ADCY6: variants seen among roughly 807,000 people sequenced by gnomAD.
ADCY6 encodes the protein adenylate cyclase type 6.
In ADCY6, 59 loss-of-function variants were observed where a neutral mutation model predicts 111.6. That is an observed-to-expected ratio of 0.53 (90% CI 0.43 to 0.66). The LOEUF is 0.66. ADCY6 is among the 30% of genes least tolerant of loss of function. The pLI is 0.00. For synonymous variants in ADCY6, 576 were observed against 642.9 expected, an observed-to-expected ratio of 0.90 and a Z score of 1.57; for missense variants, 1,242 against 1,595.6, an observed-to-expected ratio of 0.78 and a Z score of 3.78.
rs746976044 is a variant in ADCY6, at chr12:48,774,458, T to A, written c.2227A>T (p.Thr743Ser). The A allele has an allele frequency of 1.2e-6, 2 of 1,613,930 alleles. No homozygotes were observed. The highest frequency in any genetic ancestry group is 1.1e-5 in the South Asian group (1 of 91,072). The change falls in exon 14 of 22, where the codon ACC becomes TCC. Residue 743 changes from threonine to serine, a missense_variant. Physicochemically the swap from Thr to Ser is moderately conservative, Grantham distance 58. Transcript: ENST00000357869. Reference sequence around the variant, plus strand: ...AGGACGGAAAAGATGCCAACTGCGGTGCTATGTGCCCGTGAGCGGACAATG... The same window carrying A: ...AGGACGGAAAAGATGCCAACTGCGGAGCTATGTGCCCGTGAGCGGACAATG... ...RSIVRSRAHSTAVGIFSVLLV... is the reference protein window; with the variant it reads ...RSIVRSRAHSSAVGIFSVLLV...
intron 13 of ADCY6, 57 bp downstream of exon 13, chr12:48,774,634 T>G (rs1667652059): frequency 6.3e-7 from 1 of 1,591,436 alleles, no homozygotes; most frequent in Non-Finnish European, 8.6e-7. Flanking sequence ...TGTGACCTCC[T>G]CCCTGTCTGG....
Position 48,783,221 on chromosome 12 carries a change from G to A in ADCY6, c.214C>T (p.Arg72Trp), listed in dbSNP as rs748732321. The change falls in exon 2 of 22, where the codon CGG becomes TGG. Residue 72 changes from arginine to tryptophan, a missense_variant. Arg to Trp is a moderately radical substitution (Grantham distance 101). Coordinates refer to ENST00000357869, the MANE Select transcript of ADCY6 (RefSeq NM_015270.5). ...TTGCCCTTGCCTGGGCCGCCCCTCC[G>A]GATGAAGGCGTCATCCTGCCAGGGG... ...RCPWQDDAFIRRGGPGKGKEL... is the reference protein window; with the variant it reads ...RCPWQDDAFIWRGGPGKGKEL... 12 of 1,607,924 alleles carry A rather than the reference G, an allele frequency of 7.5e-6. No individual in the cohort carries two copies. Among genetic ancestry groups the A allele is most frequent in the South Asian group, 3.3e-5 (3 of 91,042 alleles).
chr12:48,789,534 G>GGCGCCCC (rs1942046694), upstream of ADCY6: 2 of 151,532 alleles, frequency 1.3e-5, no homozygotes, highest in Admixed American at 1.3e-4. Context: ...GGGTTGGGCC[G>GGCGCCCC]GCGCCCCGCG....
intron 21 of ADCY6, 68 bp from the exon 22 acceptor site, chr12:48,768,784 G>A: frequency 6.3e-7 from 1 of 1,588,130 alleles, no homozygotes; most frequent in Non-Finnish European, 8.6e-7. Context: ...GGGCCCAGGG[G>A]TTCTCTAGTC....
In ADCY6 at chr12:48,777,770, C is replaced by G. The variant is rs549643743; in HGVS notation, c.1015-34G>C. On this transcript the variant is annotated intron_variant, in intron 3 of 21. Transcript: ENST00000357869. The surrounding 1 kb of genome is among the most constrained non-coding windows in gnomAD (Gnocchi z 4.9). ...GTGGTTCCAATAGGGCATCACTATA[C>G]TCTTGGTCTCACATTGCAATCCCTC... 1.9e-6 allele frequency: 3 copies of G among 1,611,262 alleles called. No homozygotes were observed. The highest frequency in any genetic ancestry group is 2.5e-6 in the Non-Finnish European group (3 of 1,178,788).
chr12:48,767,992 A>G lies in ADCY6; in HGVS notation c.*599T>C, dbSNP rs1941421574. 6.4e-6 allele frequency: 1 copy of G among 157,462 alleles called. No homozygotes were observed. The highest frequency in any genetic ancestry group is 2.4e-5 in the African/African-American group (1 of 41,464). 9.8% of individuals were successfully genotyped at this position (157,462 alleles called of 1,614,324 possible). On this transcript the variant is annotated 3_prime_UTR_variant, in exon 22 of 22. Transcript: ENST00000357869. The stretch of plus-strand genomic sequence containing the variant: ...TGGGACTAAGATTTGGCACATGGAA[A>G]CATTCTCCTGAAATATGGCCAAAGC...
chr12:48,775,834 T>A, intron 9 of ADCY6, 129 bp downstream of exon 9: 3 of 1,514,244 alleles, frequency 2.0e-6, no homozygotes, highest in Non-Finnish European at 2.7e-6. Flanking sequence ...CGAGATGAAA[T>A]CTTCTCACTG....
At position 48,768,534 on chromosome 12, in the gene ADCY6, C is replaced by G. The variant is rs942096763; in HGVS notation, c.*57G>C. On this transcript the variant is annotated 3_prime_UTR_variant, in exon 22 of 22. Transcript: ENST00000357869. ...CTGCCACAGCTCCACCCAGTGAGCA[C>G]AGAGTCCACTCAATGCCCACCTTGG... 11 of 1,613,036 alleles carry G rather than the reference C, an allele frequency of 6.8e-6. No individual in the cohort carries two copies. The highest frequency in any genetic ancestry group is 7.6e-6 in the Non-Finnish European group (9 of 1,179,076).
At position 48,769,854 on chromosome 12, in the gene ADCY6, C is replaced by T. The variant is rs576573017; in HGVS notation, c.3257-793G>A. 4.0e-5 allele frequency among the ~76,000 whole-genome samples: 6 copies of T among 151,510 alleles called. No individual in the cohort carries two copies. The South Asian group carries it at 1.0e-3, about 26-fold the overall frequency. ...TCGGCTCACTGCAAGCTCCGCCTCC[C>T]GGGTTCACACCATTCTCCTGCCTCA... is the stretch of plus-strand genomic sequence containing the variant. On this transcript the variant is annotated intron_variant, in intron 20 of 21. Transcript: ENST00000357869.
At chr12:48,787,923 C>T (rs1055373047) in intron 1 of ADCY6, among the ~76,000 whole-genome samples, 5 of 152,354 alleles carry the variant, frequency 3.3e-5, no homozygotes, top group African/African-American at 1.2e-4. Context: ...TGGCTCTGCC[C>T]ACTGCCTTGC....
At chr12:48,778,331 C>A in intron 2 of ADCY6, 74 bp from the exon 3 acceptor site, 2 of 1,592,942 alleles carry the variant, frequency 1.3e-6, no homozygotes, top group Middle Eastern at 1.7e-4. Flanking sequence ...CACATTCACA[C>A]AACTTGCTAG....
intron 1 of ADCY6, among the ~76,000 whole-genome samples, chr12:48,784,392 C>T (rs1941935615): frequency 6.6e-6 from 1 of 151,912 alleles, no homozygotes; most frequent in African/African-American, 2.4e-5. Context: ...CCAGCAGCCA[C>T]ATAAGTGAGA....
At position 48,773,506 on chromosome 12, in the gene ADCY6, A is replaced by C. The variant is rs765989374; in HGVS notation, c.2584T>G (p.Phe862Val). ...LLLLGPPATI[F>V]DNYDLLLGVH... is the part of the protein sequence containing the mutation. ...CCAAGCAGTAGGTCATAGTTGTCAA[A>C]GATGGTGGCTGGGGGACCCAGCAGA... is the stretch of plus-strand genomic sequence containing the variant. Residue 862 changes from phenylalanine (F) to valine (V), a missense_variant, in exon 16 of 22, where the codon TTT (phenylalanine) becomes GTT (valine). Physicochemically the swap from Phe to Val is conservative, Grantham distance 50. This residue lies in a region of ADCY6 where 375 missense variants were observed against 432.5 expected (regional missense o/e 0.87). Coordinates refer to ENST00000357869, the MANE Select transcript of ADCY6 (RefSeq NM_015270.5). The C allele has an allele frequency of 1.2e-6, 2 of 1,614,122 alleles. No homozygotes were observed. The highest frequency in any genetic ancestry group is 2.2e-5 in the South Asian group (2 of 91,082).
chr12:48,783,614 C>A, intron 1 of ADCY6, 176 bp from the exon 2 acceptor site: 1 of 1,418,930 alleles, frequency 7.0e-7, no homozygotes, highest in South Asian at 1.5e-5. Flanking sequence ...TATCCCCAAT[C>A]AACAGGTGAG....
In ADCY6 at chr12:48,768,320, C is replaced by A; in HGVS notation, c.*271G>T. On this transcript the variant is annotated 3_prime_UTR_variant, in exon 22 of 22. Transcript: ENST00000357869. ...CTCTGCTTCTGCTACTGACCCCTCC[C>A]CTGCTCCCAAAGGCTGGAAGATTGG... is the stretch of plus-strand genomic sequence containing the variant. The A allele has an allele frequency of 1.9e-6, 1 of 523,238 alleles. No homozygotes were observed. The highest frequency in any genetic ancestry group is 3.5e-6 in the Non-Finnish European group (1 of 289,784). The allele number at this position is 523,238 out of a possible 1,614,324, so 32.4% of individuals were successfully genotyped here.
In ADCY6 at chr12:48,777,786, G is replaced by T; in HGVS notation, c.1015-50C>A. The T allele has an allele frequency of 6.2e-7, 1 of 1,607,078 alleles. No homozygotes were observed. On this transcript the variant is annotated intron_variant, in intron 3 of 21. Coordinates refer to ENST00000357869, the MANE Select transcript of ADCY6 (RefSeq NM_015270.5). The surrounding 1 kb of genome is among the most constrained non-coding windows in gnomAD (Gnocchi z 4.9). The stretch of plus-strand genomic sequence containing the variant: ...ATCACTATACTCTTGGTCTCACATT[G>T]CAATCCCTCCTGGTCTCTCCACATC...
At chr12:48,775,784 TGA>T (rs1263719263) in intron 9 of ADCY6, 86 bp from the exon 10 acceptor site, 7 of 1,547,792 alleles carry the variant, frequency 4.5e-6, no homozygotes, top group Non-Finnish European at 6.2e-6. Flanking sequence ...AACACTGTGC[TGA>T]GGGTGTCCCC....
intron 2 of ADCY6, among the ~76,000 whole-genome samples, chr12:48,779,180 G>A (rs1337577148): frequency 2.6e-5 from 4 of 151,886 alleles, no homozygotes; most frequent in Non-Finnish European, 4.4e-5. Context: ...ATGATCCACC[G>A]CACCTGGCCC....
chr12:48,787,700 T>C (rs1271661796), intron 1 of ADCY6, among the ~76,000 whole-genome samples: 1 of 152,184 alleles, frequency 6.6e-6, no homozygotes, highest in Non-Finnish European at 1.5e-5. Flanking sequence ...CTAAGCCTTG[T>C]GCCTCTACCT....
Sources: gnomAD v4.1 joint callset for allele counts (sites outside exome capture counted in the v4.1 genomes callset) on GRCh38, gnomAD v4.1.1 for gene constraint, gnomAD v4.1.1 regional missense constraint, Gnocchi (gnomAD v3.1) non-coding constraint, MANE v1.5 for transcripts, NCBI Gene and HGNC (gene_info 2026-07-23, HGNC 2026-07-21) for gene names.